FRMD5: variants seen among roughly 807,000 people sequenced by gnomAD.
FRMD5 encodes FERM domain-containing protein 5.
A neutral mutation model predicts 69.0 loss-of-function variants in FRMD5; 20 were observed. That is an observed-to-expected ratio of 0.29 (90% CI 0.20 to 0.42). FRMD5 has a LOEUF of 0.42. Among genes scored for constraint, FRMD5 ranks in the 10% least tolerant of loss-of-function variants. The probability of loss-of-function intolerance (pLI) is 1.00; values close to 1 mark genes in which losing one functional copy is unlikely to be tolerated. For synonymous variants in FRMD5, 271 were observed against 260.1 expected (o/e 1.04, Z -0.40); for missense variants, 595 against 708.6 (o/e 0.84, Z 1.82).
At chr15:44,028,763 C>T (rs896997974) in intron 1 of FRMD5, among the ~76,000 whole-genome samples, 2 of 152,158 alleles carry the variant, frequency 1.3e-5, no homozygotes, top group Non-Finnish European at 2.9e-5. Flanking sequence ...GCAGAACAAG[C>T]AGCACTAAAG....
intron 1 of FRMD5, among the ~76,000 whole-genome samples, chr15:44,030,975 A>AG (rs1482810386): frequency 1.3e-5 from 2 of 151,276 alleles, no homozygotes; most frequent in Non-Finnish European, 1.5e-5. Context: ...CAGAAAAAGA[A>AG]AAAAAAAAAG....
intron 1 of FRMD5, among the ~76,000 whole-genome samples, chr15:44,098,538 A>AAAAAG (rs1555403688): frequency 6.9e-6 from 1 of 145,528 alleles, no homozygotes. Context: ...AAAAAAAAAA[A>AAAAAG]AGAGAGAGAG....
intron 1 of FRMD5, chr15:44,063,868 A>G: frequency 3.6e-6 from 1 of 281,518 alleles, no homozygotes; most frequent in South Asian, 3.7e-5. Flanking sequence ...CAAAAAGGTC[A>G]TCATCTCTGC....
chr15:43,918,582 G>T (rs1374968500), intron 4 of FRMD5, among the ~76,000 whole-genome samples: 1 of 152,080 alleles, frequency 6.6e-6, no homozygotes, highest in Non-Finnish European at 1.5e-5. Context: ...CACCTTTGCT[G>T]TCTCCACGGT....
At chr15:44,127,895 A>C (rs2077045060) in intron 1 of FRMD5, among the ~76,000 whole-genome samples, 1 of 152,126 alleles carries the variant, frequency 6.6e-6, no homozygotes, top group African/African-American at 2.4e-5. Flanking sequence ...TAAATAACCC[A>C]GCAGATGTCG....
intron 1 of FRMD5, among the ~76,000 whole-genome samples, chr15:44,090,857 A>G (rs2140481643): frequency 6.6e-6 from 1 of 152,264 alleles, no homozygotes; most frequent in African/African-American, 2.4e-5. Flanking sequence ...AATTTTTTTA[A>G]AAGACTACTA....
chr15:44,153,819 T>C (rs2077483940), intron 1 of FRMD5, among the ~76,000 whole-genome samples: 1 of 152,048 alleles, frequency 6.6e-6, no homozygotes, highest in African/African-American at 2.4e-5. Context: ...AATTCAGAAA[T>C]TAGCCGGGCA....
At chr15:44,095,898 C>G (rs867287523) in intron 1 of FRMD5, among the ~76,000 whole-genome samples, 1 of 152,250 alleles carries the variant, frequency 6.6e-6, no homozygotes, top group African/African-American at 2.4e-5. Context: ...GGAAGGCTGA[C>G]CTACTCTTAC....
intron 1 of FRMD5, among the ~76,000 whole-genome samples, chr15:43,987,760 G>C (rs766870731): frequency 1.3e-5 from 2 of 152,086 alleles, no homozygotes; most frequent in Non-Finnish European, 2.9e-5. Context: ...ATGCTGGCAA[G>C]GCTAGTCTCA....
chr15:44,028,093 A>T (rs909786989), intron 1 of FRMD5, among the ~76,000 whole-genome samples: 5 of 152,212 alleles, frequency 3.3e-5, no homozygotes, highest in African/African-American at 1.2e-4. Context: ...TATCACACGG[A>T]AAAGGAAGGG....
At chr15:43,908,929 G>GA (rs770654413) in intron 5 of FRMD5, among the ~76,000 whole-genome samples, 4 of 152,110 alleles carry the variant, frequency 2.6e-5, no homozygotes, top group Non-Finnish European at 4.4e-5. Context: ...AGAGGATGGG[G>GA]AAAAAATCAA....
chr15:43,897,568 C>T (rs567831537), intron 7 of FRMD5, among the ~76,000 whole-genome samples: 1 of 147,234 alleles, frequency 6.8e-6, no homozygotes, highest in African/African-American at 2.5e-5. Flanking sequence ...AGAGAGCTGG[C>T]TAGGTGGCTG....
chr15:43,881,263 AG>A (rs1306283317), intron 13 of FRMD5, among the ~76,000 whole-genome samples: 3 of 152,184 alleles, frequency 2.0e-5, no homozygotes, highest in African/African-American at 7.2e-5. Context: ...AGGGATGGAA[AG>A]AAAGGCCACA....
chr15:43,949,717 A>T (rs992469267), intron 1 of FRMD5, among the ~76,000 whole-genome samples: 4 of 152,184 alleles, frequency 2.6e-5, no homozygotes, highest in African/African-American at 9.6e-5. Context: ...GAAGCAGTCC[A>T]ATTAGGCAAT....
rs1241548801 is a variant in FRMD5 at position 43,894,500 on chromosome 15, GAGAGGGGAGGC to G, written c.640-2442_640-2432del. Among the ~76,000 whole-genome samples the G allele has an allele frequency of 3.3e-5, 5 of 152,082 alleles. 1 individual carries two copies. The highest frequency in any genetic ancestry group is 3.3e-4 in the Admixed American group (5 of 15,276). On this transcript the variant is annotated intron_variant, in intron 7 of 13. Transcript: ENST00000417257. ...GGAACGTCCGTATGTGCGTAAAAAT[GAGAGGGGAGGC>G]AGAGGTGAGGCAGAGGCACGGAAGG...
intron 1 of FRMD5, among the ~76,000 whole-genome samples, chr15:44,162,849 G>T (rs1384155508): frequency 8.6e-6 from 1 of 115,790 alleles, no homozygotes; most frequent in Non-Finnish European, 1.7e-5. Context: ...CATGGGCAAC[G>T]AGAGCGAAAC....
intron 1 of FRMD5, among the ~76,000 whole-genome samples, chr15:44,116,025 C>A (rs1309755550): frequency 6.6e-6 from 1 of 151,956 alleles, no homozygotes; most frequent in Non-Finnish European, 1.5e-5. Context: ...TAATTCAGGC[C>A]CTGTTCTGTC....
At chr15:44,001,433 T>A (rs1420031781) in intron 1 of FRMD5, among the ~76,000 whole-genome samples, 1 of 152,192 alleles carries the variant, frequency 6.6e-6, no homozygotes, top group African/African-American at 2.4e-5. Context: ...TTGTTTTTGC[T>A]TTTGTTGCCT....
At chr15:44,109,068 G>A (rs2623016) in intron 1 of FRMD5, among the ~76,000 whole-genome samples, 95,224 of 151,856 alleles carry the variant, frequency 0.63, 33,755 homozygotes, top group Non-Finnish European at 0.78. Context: ...CTTAGTGCCC[G>A]GCCCATAATA....
Sources: gnomAD v4.1 joint callset for allele counts (sites outside exome capture counted in the v4.1 genomes callset) on GRCh38, gnomAD v4.1.1 for gene constraint, MANE v1.5 for transcripts, NCBI Gene and HGNC (gene_info 2026-07-23, HGNC 2026-07-21) for gene names.